ZNF710: variants seen among roughly 807,000 people sequenced by gnomAD.
The protein encoded by ZNF710 is zinc finger protein 710.
A neutral mutation model predicts 50.6 loss-of-function variants in ZNF710; 13 were observed. That is an observed-to-expected ratio of 0.26 (90% CI 0.17 to 0.41). The LOEUF (loss-of-function observed/expected upper bound fraction) is 0.41, where lower values mean the gene tolerates loss of function less well. ZNF710 is among the 10% of genes least tolerant of loss of function. The pLI is 1.00. For missense variants in ZNF710, 721 were observed against 936.6 expected (o/e 0.77, Z 3.01); for synonymous variants, 383 against 397.0 (o/e 0.96, Z 0.42).
At chr15:90,077,587 A>T (rs893557518) in intron 4 of ZNF710, among the ~76,000 whole-genome samples, 17 of 152,120 alleles carry the variant, frequency 1.1e-4, no homozygotes, top group Admixed American at 2.0e-4. Flanking sequence ...CAGCTGTGTA[A>T]CATGAGGGTG....
chr15:90,048,364 G>A (rs557055126), intron 1 of ZNF710, among the ~76,000 whole-genome samples: 10 of 152,358 alleles, frequency 6.6e-5, no homozygotes, highest in Non-Finnish European at 1.0e-4. Flanking sequence ...TTGGAGGAGA[G>A]AACCCACGGG....
rs974984484 is a variant in ZNF710, at chr15:90,080,335, G to C, written c.*506G>C. ...CCCTTCCCCGCCCTGTCGACGGACCGCCAGGCAGGGCACTCTGCCTTCTAC... is the reference window on the plus strand; with the variant it reads ...CCCTTCCCCGCCCTGTCGACGGACCCCCAGGCAGGGCACTCTGCCTTCTAC... On this transcript the variant is annotated 3_prime_UTR_variant, in exon 5 of 5. Coordinates refer to ENST00000268154, the MANE Select transcript of ZNF710 (RefSeq NM_198526.4). The C allele has an allele frequency of 6.5e-6, 1 of 153,354 alleles. No homozygotes were observed. The highest frequency in any genetic ancestry group is 1.5e-5 in the Non-Finnish European group (1 of 68,636). 9.5% of individuals were successfully genotyped at this position (153,354 alleles called of 1,614,324 possible).
chr15:90,012,651 A>T (rs1352981579), intron 1 of ZNF710, among the ~76,000 whole-genome samples: 2 of 151,794 alleles, frequency 1.3e-5, no homozygotes, highest in Non-Finnish European at 2.9e-5. Context: ...ATGAAGGGGT[A>T]ATTTCTTGTT....
intron 1 of ZNF710, among the ~76,000 whole-genome samples, chr15:90,027,847 A>G (rs1440660224): frequency 3.9e-5 from 1 of 25,590 alleles, no homozygotes. Flanking sequence ...CACTGTCTCG[A>G]AAAAAAAAAA....
intron 1 of ZNF710, among the ~76,000 whole-genome samples, chr15:90,065,050 G>T (rs8035508): frequency 0.07 from 10,695 of 152,208 alleles, 1,206 homozygotes; most frequent in African/African-American, 0.24. Flanking sequence ...TTTAGCCCCT[G>T]CGGCCTATTC....
chr15:90,067,377 G>A lies in ZNF710; in HGVS notation c.240G>A (p.Ala80=), dbSNP rs369435908. The change falls in exon 2 of 5, where the codon GCG becomes GCA. Residue 80 remains alanine, a synonymous_variant. Transcript: ENST00000268154. The surrounding 1 kb of genome is among the most constrained non-coding windows in gnomAD (Gnocchi z 8.1). The part of the protein sequence containing the change: ...ACNGRALEEP[A]EEEVLEVEAA... ...ACGGGAGGGCCTTGGAGGAGCCGGCGGAGGAGGAGGTGCTGGAGGTGGAGG... is the reference window on the plus strand; with the variant it reads ...ACGGGAGGGCCTTGGAGGAGCCGGCAGAGGAGGAGGTGCTGGAGGTGGAGG... The A allele has an allele frequency of 1.5e-4, 237 of 1,596,504 alleles. No individual in the cohort carries two copies. The Middle Eastern group carries it at 2.0e-3, about 13-fold the overall frequency.
rs574048351 is a variant in ZNF710 at position 90,030,876 on chromosome 15, G to A, written c.-29+29262G>A. On this transcript the variant is annotated intron_variant, in intron 1 of 4. Coordinates refer to ENST00000268154, the MANE Select transcript of ZNF710 (RefSeq NM_198526.4). ...CTTAAAAAAATACAAAAAATTAGCC[G>A]GGCATGGTGGCGCGCGCCTGTAGTC... Among the ~76,000 whole-genome samples the A allele has an allele frequency of 2.2e-3, 330 of 151,972 alleles. 1 individual carries two copies. Among genetic ancestry groups the A allele is most frequent in the Middle Eastern group, 0.01 (3 of 294 alleles).
Position 90,079,921 on chromosome 15 carries a change from C to A in ZNF710, c.*92C>A. On this transcript the variant is annotated 3_prime_UTR_variant, in exon 5 of 5. Coordinates refer to ENST00000268154, the MANE Select transcript of ZNF710 (RefSeq NM_198526.4). ...GGCTGCACCTCCTGCAGCCGAGAAACAAGCTACTGCCCCACTGTTCTGAGC... is the reference window on the plus strand; with the variant it reads ...GGCTGCACCTCCTGCAGCCGAGAAAAAAGCTACTGCCCCACTGTTCTGAGC... 8.0e-7 allele frequency: 1 copy of A among 1,243,260 alleles called. No homozygotes were observed. The highest frequency in any genetic ancestry group is 1.1e-6 in the Non-Finnish European group (1 of 922,884). The allele number at this position is 1,243,260 out of a possible 1,614,324, so 77.0% of individuals were successfully genotyped here. A position where few individuals can be genotyped will look rare whatever the true frequency, so the allele number is the denominator to read the frequency against.
chr15:90,029,439 C>T (rs1042606573), intron 1 of ZNF710, among the ~76,000 whole-genome samples: 3 of 152,152 alleles, frequency 2.0e-5, no homozygotes, highest in African/African-American at 4.8e-5. Context: ...CCAACTCAAA[C>T]GGGAATGGAT....
chr15:90,048,943 G>A (rs1899552760), intron 1 of ZNF710, among the ~76,000 whole-genome samples: 1 of 152,080 alleles, frequency 6.6e-6, no homozygotes, highest in Non-Finnish European at 1.5e-5. Context: ...CGTGGGACCG[G>A]GTCCATTCCC....
chr15:90,015,226 G>T (rs1596266300), intron 1 of ZNF710, among the ~76,000 whole-genome samples: 1 of 152,166 alleles, frequency 6.6e-6, no homozygotes, highest in African/African-American at 2.4e-5. Context: ...TAAAAACACA[G>T]ACAGTTCACA....
At chr15:90,028,150 G>A (rs1210247109) in intron 1 of ZNF710, among the ~76,000 whole-genome samples, 1 of 152,108 alleles carries the variant, frequency 6.6e-6, no homozygotes, top group Non-Finnish European at 1.5e-5. Context: ...AAAATTGAAA[G>A]TATATAACAG....
At chr15:90,035,033 C>T (rs773004388) in intron 1 of ZNF710, among the ~76,000 whole-genome samples, 11 of 152,228 alleles carry the variant, frequency 7.2e-5, no homozygotes, top group African/African-American at 1.2e-4. Flanking sequence ...GGTAAAGAGG[C>T]CCGTATAGTA....
chr15:90,044,481 G>A (rs1899399410), intron 1 of ZNF710, among the ~76,000 whole-genome samples: 1 of 152,218 alleles, frequency 6.6e-6, no homozygotes, highest in African/African-American at 2.4e-5. Flanking sequence ...AGCTGAGCTG[G>A]ATAACCCTCA....
intron 1 of ZNF710, among the ~76,000 whole-genome samples, chr15:90,038,462 C>T (rs1267731825): frequency 2.0e-5 from 3 of 152,176 alleles, no homozygotes; most frequent in Non-Finnish European, 4.4e-5. Flanking sequence ...GACAGCCCAC[C>T]GTTAAGTACG....
intron 4 of ZNF710, 46 bp from the exon 5 acceptor site, chr15:90,079,614 C>T (rs1329541248): frequency 1.3e-6 from 2 of 1,596,774 alleles, no homozygotes; most frequent in Non-Finnish European, 1.7e-6. Flanking sequence ...TGACTGGCTC[C>T]TCCCGAGAGA....
intron 1 of ZNF710, among the ~76,000 whole-genome samples, chr15:90,029,848 T>A (rs1266647847): frequency 6.6e-6 from 1 of 151,016 alleles, no homozygotes; most frequent in Non-Finnish European, 1.5e-5. Flanking sequence ...CTCCTGACCT[T>A]AGGTGATCCG....
At position 90,034,434 on chromosome 15, in the gene ZNF710, G is replaced by C. The variant is rs1465828271; in HGVS notation, c.-28-32676G>C. Among the ~76,000 whole-genome samples the C allele has an allele frequency of 9.0e-6, 1 of 111,002 alleles. No individual in the cohort carries two copies. Among genetic ancestry groups the C allele is most frequent in the South Asian group, 2.5e-4 (1 of 3,944 alleles). The allele number at this position is 111,002 out of a possible 152,430, so 72.8% of individuals were successfully genotyped here. ...CCTTCCTGTTTCCAAATTCCTGTGT[G>C]TGTGTGTGTGTGTGTGTGTGTGTGT... On this transcript the variant is annotated intron_variant, in intron 1 of 4. Transcript: ENST00000268154. This position sits in a 1 kb window ranked among gnomAD's most constrained non-coding sequence, Gnocchi z 4.0.
In ZNF710 at chr15:90,021,910, G is replaced by A. The variant is rs563307742; in HGVS notation, c.-29+20296G>A. Among the ~76,000 whole-genome samples, 16 of 152,152 alleles carry A rather than the reference G, an allele frequency of 1.1e-4. No homozygotes were observed. The South Asian group carries it at 3.3e-3, about 32-fold the overall frequency. On this transcript the variant is annotated intron_variant, in intron 1 of 4. Coordinates refer to ENST00000268154, the MANE Select transcript of ZNF710 (RefSeq NM_198526.4). ...AGACCAGGTGAACATAGCAAAACCC[G>A]TCTCTACTAAAAATACAAAAATTAG...
Sources: allele counts gnomAD v4.1 joint callset (sites outside exome capture counted in the v4.1 genomes callset), GRCh38; gene constraint gnomAD v4.1.1; non-coding constraint Gnocchi (gnomAD v3.1); transcripts MANE v1.5; gene names NCBI Gene and HGNC (gene_info 2026-07-23, HGNC 2026-07-21).